ZNF385C: variants seen among roughly 807,000 people sequenced by gnomAD.
ZNF385C encodes the protein zinc finger protein 385C.
In ZNF385C, 28 loss-of-function variants were observed where a neutral mutation model predicts 35.4. The ratio of observed to expected loss-of-function variants is 0.79; its 90% CI spans 0.59 to 1.08. The LOEUF (loss-of-function observed/expected upper bound fraction) is 1.08. Ranked by LOEUF, ZNF385C falls within the 50% of genes least tolerant of loss-of-function variation. ZNF385C has a pLI of 0.00. For synonymous variants in ZNF385C, 248 were observed against 248.2 expected (o/e 1.00, Z 0.01); for missense variants, 605 against 595.6 (o/e 1.02, Z -0.16).
chr17:42,038,023 C>A (rs1555655672), intron 2 of ZNF385C, 138 bp from the exon 3 acceptor site: 1 of 1,536,432 alleles, frequency 6.5e-7, no homozygotes, highest in Non-Finnish European at 8.7e-7. Flanking sequence ...CCAGCCAGAC[C>A]CATAGTGATT....
At chr17:42,040,062 C>T (rs1555655951) in intron 2 of ZNF385C, 7 of 1,231,064 alleles carry the variant, frequency 5.7e-6, no homozygotes, top group African/African-American at 1.6e-5. Context: ...AGTCGCCCAG[C>T]GCCCGCTGGC....
chr17:42,080,839 G>T (rs955100628), intron 1 of ZNF385C, among the ~76,000 whole-genome samples: 5 of 152,224 alleles, frequency 3.3e-5, no homozygotes, highest in Non-Finnish European at 7.3e-5. Flanking sequence ...TCCCACAGCA[G>T]GGCCACTCAG....
intron 2 of ZNF385C, among the ~76,000 whole-genome samples, chr17:42,046,285 A>G (rs1415934297): frequency 6.6e-6 from 1 of 152,000 alleles, no homozygotes; most frequent in Admixed American, 6.6e-5. Context: ...CTCTCAGTAA[A>G]AGTTGGTTGT....
At chr17:42,090,318 G>A (rs186667446) in intron 1 of ZNF385C, among the ~76,000 whole-genome samples, 1,832 of 114,898 alleles carry the variant, frequency 0.016, 36 homozygotes, top group African/African-American at 0.055. Context: ...ATGGAGTCTC[G>A]TTCTGTCGCC....
At chr17:42,090,998 A>G (rs2053859742) in intron 1 of ZNF385C, among the ~76,000 whole-genome samples, 1 of 152,102 alleles carries the variant, frequency 6.6e-6, no homozygotes, top group African/African-American at 2.4e-5. Flanking sequence ...TATTGGTTAA[A>G]TGAATGAGTA....
At chr17:42,083,646 C>T (rs1461075555) in intron 1 of ZNF385C, among the ~76,000 whole-genome samples, 2 of 138,408 alleles carry the variant, frequency 1.4e-5, no homozygotes, top group African/African-American at 2.7e-5. Flanking sequence ...TTAAAAAAAA[C>T]TAAACTTTAA....
At chr17:42,096,788 C>T (rs1386212248) in intron 1 of ZNF385C, among the ~76,000 whole-genome samples, 6 of 151,912 alleles carry the variant, frequency 3.9e-5, no homozygotes, top group Non-Finnish European at 7.4e-5. Context: ...CTGCCTTGGG[C>T]GGGGGCGGGG....
At chr17:42,055,941 G>A (rs1555657529) in intron 2 of ZNF385C, among the ~76,000 whole-genome samples, 1 of 152,160 alleles carries the variant, frequency 6.6e-6, no homozygotes, top group African/African-American at 2.4e-5. Context: ...CCCCTCTCCC[G>A]CTGGAAGGCA....
intron 2 of ZNF385C, 48 bp from the exon 3 acceptor site, chr17:42,037,933 C>G: frequency 6.5e-7 from 1 of 1,546,980 alleles, no homozygotes; most frequent in Non-Finnish European, 8.7e-7. Flanking sequence ...TGTCCTACCC[C>G]CGTGGCCAGA....
At chr17:42,062,235 A>G (rs1199521578) in intron 2 of ZNF385C, 3 of 152,768 alleles carry the variant, frequency 2.0e-5, no homozygotes, top group Non-Finnish European at 2.9e-5. Context: ...GCATTCACCC[A>G]TTTCCCCCAG....
chr17:42,038,483 C>T (rs782810330), intron 2 of ZNF385C: 10 of 167,638 alleles, frequency 6.0e-5, no homozygotes, highest in Non-Finnish European at 1.0e-4. Context: ...TGGGCCTCGA[C>T]GCCAGTCCTT....
chr17:42,055,902 C>T (rs1268726626), intron 2 of ZNF385C, among the ~76,000 whole-genome samples: 2 of 152,102 alleles, frequency 1.3e-5, no homozygotes, highest in South Asian at 2.1e-4. Context: ...GTAGGGGAGC[C>T]TAGATTTGGC....
At chr17:42,097,912 C>G in intron 1 of ZNF385C, among the ~76,000 whole-genome samples, 1 of 152,182 alleles carries the variant, frequency 6.6e-6, no homozygotes, top group Non-Finnish European at 1.5e-5. Flanking sequence ...ATAAATGATG[C>G]AGGTGCCCTG....
intron 1 of ZNF385C, among the ~76,000 whole-genome samples, chr17:42,076,269 T>C (rs1362371609): frequency 6.6e-6 from 1 of 152,190 alleles, no homozygotes; most frequent in Non-Finnish European, 1.5e-5. Context: ...TTCCCACTCA[T>C]TTCATCCCCT....
intron 2 of ZNF385C, chr17:42,039,355 C>A: frequency 4.2e-6 from 1 of 238,248 alleles, no homozygotes. Context: ...TCTTCCTTCC[C>A]CAAGCCAAAA....
chr17:42,027,154 T>C, intron 8 of ZNF385C, 21 bp from the exon 9 acceptor site: 1 of 1,607,510 alleles, frequency 6.2e-7, no homozygotes, highest in Non-Finnish European at 8.5e-7. Context: ...AAGAAAGGAA[T>C]GGACACAGTC....
At chr17:42,040,618 A>ACCAGG (rs1233578207) in intron 2 of ZNF385C, 10 of 1,232,200 alleles carry the variant, frequency 8.1e-6, no homozygotes, top group Admixed American at 8.4e-5. Context: ...CAGGGTGGGC[A>ACCAGG]CCAGGCCAGG....
chr17:42,077,901 C>T (rs1256601619), intron 1 of ZNF385C, among the ~76,000 whole-genome samples: 1 of 152,080 alleles, frequency 6.6e-6, no homozygotes, highest in African/African-American at 2.4e-5. Flanking sequence ...CTAAAATAGC[C>T]CAGAGCCACC....
chr17:42,078,330 C>T (rs150998356), intron 1 of ZNF385C, among the ~76,000 whole-genome samples: 10 of 152,066 alleles, frequency 6.6e-5, no homozygotes, highest in African/African-American at 2.4e-4. Context: ...AAGGAAAGGG[C>T]TGGGGTCTCC....
Sources: gnomAD v4.1 joint callset for allele counts (sites outside exome capture counted in the v4.1 genomes callset) on GRCh38, gnomAD v4.1.1 for gene constraint, MANE v1.5 for transcripts, NCBI Gene and HGNC (gene_info 2026-07-23, HGNC 2026-07-21) for gene names.